BPI: variants seen among roughly 807,000 people sequenced by gnomAD.
BPI encodes bactericidal permeability increasing protein.
Under a neutral mutation model 57.6 loss-of-function variants are expected in BPI, and 48 were observed. That is an observed-to-expected ratio of 0.83 (90% CI 0.66 to 1.06). BPI has a LOEUF of 1.06. Among genes scored for constraint, BPI ranks in the 50% least tolerant of loss-of-function variants. BPI has a pLI of 0.00. For missense variants in BPI, 651 were observed against 609.7 expected (o/e 1.07, Z -0.71); for synonymous variants, 237 against 238.2 (o/e 0.99, Z 0.05).
chr20:38,334,203 T>G (rs529159972), intron 12 of BPI, among the ~76,000 whole-genome samples: 1 of 152,334 alleles, frequency 6.6e-6, no homozygotes, highest in Admixed American at 6.5e-5. Flanking sequence ...AGAACATGCT[T>G]TACATCTGGA....
At chr20:38,334,346 A>G (rs1322412293) in intron 12 of BPI, 84 bp from the exon 13 acceptor site, 4 of 1,315,052 alleles carry the variant, frequency 3.0e-6, no homozygotes, top group Non-Finnish European at 4.4e-6. Context: ...AAGGAGGGTG[A>G]CAGAGGTGGG....
At chr20:38,323,021 C>T (rs930466514) in intron 7 of BPI, among the ~76,000 whole-genome samples, 1 of 152,170 alleles carries the variant, frequency 6.6e-6, no homozygotes, top group Non-Finnish European at 1.5e-5. Flanking sequence ...CTTCCAAGTA[C>T]CCAACACACA....
At chr20:38,326,533 C>T (rs1300438495) in intron 10 of BPI, 101 bp downstream of exon 10, 1 of 1,354,254 alleles carries the variant, frequency 7.4e-7, no homozygotes, top group African/African-American at 1.5e-5. Flanking sequence ...GGATTCAAAC[C>T]TGGACTGTGT....
chr20:38,337,485 T>G lies in BPI; in HGVS notation c.*301T>G, dbSNP rs1035198654. Reference sequence around the variant, plus strand: ...CCATTTGTGCTTCATGAAAAAAAACTTCTGGTTTTTTTCATGTGGATTCTG... The same window carrying G: ...CCATTTGTGCTTCATGAAAAAAAACGTCTGGTTTTTTTCATGTGGATTCTG... On this transcript the variant is annotated 3_prime_UTR_variant, in exon 15 of 15. Transcript: ENST00000642449. 6.4e-6 allele frequency: 2 copies of G among 313,242 alleles called. No homozygotes were observed. The highest frequency in any genetic ancestry group is 1.1e-5 in the Non-Finnish European group (2 of 174,150). 19.4% of individuals were successfully genotyped at this position (313,242 alleles called of 1,614,324 possible). A position where few individuals can be genotyped will look rare whatever the true frequency, so the allele number is the denominator to read the frequency against.
chr20:38,317,933 G>A (rs1175507595), intron 5 of BPI: 4 of 985,154 alleles, frequency 4.1e-6, no homozygotes. Context: ...GGCTTCTCTG[G>A]CCATACATAC....
intron 8 of BPI, among the ~76,000 whole-genome samples, chr20:38,324,483 A>T (rs1217246066): frequency 6.6e-6 from 1 of 152,198 alleles, no homozygotes; most frequent in Non-Finnish European, 1.5e-5. Flanking sequence ...CTTCCTGGAA[A>T]TGGGGCATCC....
In BPI at chr20:38,324,755, T is replaced by C; in HGVS notation, c.934-19T>C. ...TGTAACAGCATCCTCCGAGATCCTT[T>C]TCTCATCTCTTGCTACAGATTCCAA... On this transcript the variant is annotated intron_variant, in intron 8 of 14. Coordinates refer to ENST00000642449, the MANE Select transcript of BPI (RefSeq NM_001725.3). 6.2e-7 allele frequency: 1 copy of C among 1,602,624 alleles called. No homozygotes were observed. Among genetic ancestry groups the C allele is most frequent in the Non-Finnish European group, 8.6e-7 (1 of 1,169,542 alleles).
At chr20:38,335,703 T>C (rs910867812) in intron 14 of BPI, 29 bp downstream of exon 14, 6 of 1,602,910 alleles carry the variant, frequency 3.7e-6, no homozygotes, top group Non-Finnish European at 5.1e-6. Flanking sequence ...TCCACAAATC[T>C]CCCCTAACGA....
intron 5 of BPI, chr20:38,317,798 T>A: frequency 6.8e-7 from 1 of 1,473,592 alleles, no homozygotes; most frequent in Non-Finnish European, 9.2e-7. Context: ...ATGGAACAAC[T>A]TCCTCAGTGT....
At position 38,307,599 on chromosome 20, in the gene BPI, G is replaced by C. The variant is rs767257779; in HGVS notation, c.163G>C (p.Glu55Gln). The C allele has an allele frequency of 6.2e-7, 1 of 1,611,346 alleles. No individual in the cohort carries two copies. Among genetic ancestry groups the C allele is most frequent in the Non-Finnish European group, 8.5e-7 (1 of 1,178,934 alleles). Reference protein sequence around the residue: ...SQQGTAALQKELKRIKIPDYS... With the variant: ...SQQGTAALQKQLKRIKIPDYS... ...GCAGGGGACGGCCGCTCTGCAGAAG[G>C]AGCTGAAGAGGATCAAGATTCCTGA... The change falls in exon 2 of 15, where the codon GAG (glutamate) becomes CAG (glutamine). Residue 55 changes from glutamate (E) to glutamine (Q), a missense_variant. Physicochemically the swap from Glu to Gln is conservative, Grantham distance 29. Transcript: ENST00000642449.
Position 38,324,808 on chromosome 20 carries a change from A to G in BPI, c.968A>G (p.Lys323Arg). The part of the protein sequence containing the change: ...PKESKFRLTT[K>R]FFGTFLPEVA... Reference sequence around the variant, plus strand: ...GAGTCCAAATTTCGACTGACAACCAAGTTCTTTGGAACCTTCCTACCTGAG... The same window carrying G: ...GAGTCCAAATTTCGACTGACAACCAGGTTCTTTGGAACCTTCCTACCTGAG... The change falls in exon 9 of 15, where the codon AAG becomes AGG. Residue 323 changes from lysine (K) to arginine (R), a missense_variant. Physicochemically the swap from Lys to Arg is conservative, Grantham distance 26. Transcript: ENST00000642449. The G allele has an allele frequency of 6.2e-7, 1 of 1,613,438 alleles. No individual in the cohort carries two copies. Among genetic ancestry groups the G allele is most frequent in the Non-Finnish European group, 8.5e-7 (1 of 1,179,356 alleles).
chr20:38,323,083 A>G (rs1256721696), intron 7 of BPI, among the ~76,000 whole-genome samples: 2 of 152,180 alleles, frequency 1.3e-5, no homozygotes, highest in African/African-American at 4.8e-5. Context: ...TTTTAAAAAA[A>G]TTTAAAAAAC....
At chr20:38,308,713 G>T (rs1279464728) in intron 2 of BPI, among the ~76,000 whole-genome samples, 2 of 152,072 alleles carry the variant, frequency 1.3e-5, no homozygotes, top group Non-Finnish European at 1.5e-5. Context: ...TAAAGAGCAG[G>T]ATTTAAATGC....
chr20:38,332,019 G>C (rs2076745249), intron 12 of BPI, among the ~76,000 whole-genome samples: 1 of 152,176 alleles, frequency 6.6e-6, no homozygotes, highest in Admixed American at 6.5e-5. Flanking sequence ...AGCCAGCAGA[G>C]GAAACAGCAG....
At chr20:38,307,719 C>A in intron 2 of BPI, 38 bp downstream of exon 2, 1 of 1,526,356 alleles carries the variant, frequency 6.6e-7, no homozygotes, top group South Asian at 1.1e-5. Flanking sequence ...ATTTGCAGGA[C>A]TTGTAGTGTT....
chr20:38,328,834 CAA>C (rs11302517), intron 11 of BPI, among the ~76,000 whole-genome samples: 52 of 141,418 alleles, frequency 3.7e-4, no homozygotes, highest in Middle Eastern at 3.6e-3. Flanking sequence ...TCGTCTCTAC[CAA>C]AAAAAAAAAA....
intron 12 of BPI, 149 bp from the exon 13 acceptor site, chr20:38,334,281 C>T (rs182164185): frequency 6.0e-5 from 44 of 734,474 alleles, no homozygotes; most frequent in African/African-American, 5.9e-4. Context: ...ATATCACTTG[C>T]GTCCACCTCT....
At chr20:38,330,999 T>A in intron 11 of BPI, 49 bp from the exon 12 acceptor site, 2 of 1,602,634 alleles carry the variant, frequency 1.2e-6, no homozygotes, top group Non-Finnish European at 1.7e-6. Context: ...TGGGTTCTCA[T>A]GCTAGTCAGG....
chr20:38,335,265 A>C (rs902178898), intron 13 of BPI, among the ~76,000 whole-genome samples: 5 of 152,076 alleles, frequency 3.3e-5, no homozygotes, highest in Non-Finnish European at 7.4e-5. Flanking sequence ...CACATGCATA[A>C]ATACCCCTAT....
Sources: gnomAD v4.1 joint callset for allele counts (sites outside exome capture counted in the v4.1 genomes callset) on GRCh38, gnomAD v4.1.1 for gene constraint, MANE v1.5 for transcripts, NCBI Gene and HGNC (gene_info 2026-07-23, HGNC 2026-07-21) for gene names.